Variants in CD8B2 observed in about 807,000 individuals in gnomAD.
CD8B2 encodes the protein T-cell surface glycoprotein CD8 beta-2 chain.
Under a neutral mutation model 23.7 loss-of-function variants are expected in CD8B2, and 11 were observed. The ratio of observed to expected loss-of-function variants is 0.46; its 90% CI spans 0.29 to 0.77. CD8B2 has a LOEUF of 0.77. CD8B2 is among the 30% of genes least tolerant of loss of function. CD8B2 has a pLI of 0.09. For synonymous variants in CD8B2, 90 were observed against 109.3 expected, an observed-to-expected ratio of 0.82 and a Z score of 1.10; for missense variants, 197 against 270.5, an observed-to-expected ratio of 0.73 and a Z score of 1.91.
chr2:106,499,387 C>T (rs987075237), intron 3 of CD8B2, among the ~76,000 whole-genome samples: 35 of 151,992 alleles, frequency 2.3e-4, no homozygotes, highest in African/African-American at 7.7e-4. Flanking sequence ...CAAAAATTAG[C>T]TGGGCATTGT....
chr2:106,487,379 G>C lies in CD8B2; in HGVS notation c.-48G>C. ...CCAGCTCCTCACCCACCCCAGCCGC[G>C]ACTGTCTCCGCCGAGCCCCCGGGGC... On this transcript the variant is annotated 5_prime_UTR_variant, in exon 1 of 6. Coordinates refer to ENST00000643224, the MANE Select transcript of CD8B2 (RefSeq NM_001349727.2). 1 of 1,133,288 alleles carries C rather than the reference G, an allele frequency of 8.8e-7. No homozygotes were observed. Among genetic ancestry groups the C allele is most frequent in the Non-Finnish European group, 1.1e-6 (1 of 900,712 alleles). The allele number at this position is 1,133,288 out of a possible 1,614,324, so 70.2% of individuals were successfully genotyped here.
Position 106,507,586 on chromosome 2 carries a change from T to G in CD8B2, c.*646T>G, listed in dbSNP as rs1002139426. 1 of 966,690 alleles carries G rather than the reference T, an allele frequency of 1.0e-6. No individual in the cohort carries two copies. Among genetic ancestry groups the G allele is most frequent in the African/African-American group, 1.8e-5 (1 of 56,872 alleles). The allele number at this position is 966,690 out of a possible 1,614,324, so 59.9% of individuals were successfully genotyped here. ...GCTCCCATTTCTACTCTCCCATGGC[T>G]TAATGCTTCTTTCATTTTCTGTTTG... On this transcript the variant is annotated 3_prime_UTR_variant, in exon 6 of 6. Coordinates refer to ENST00000643224, the MANE Select transcript of CD8B2 (RefSeq NM_001349727.2).
intron 2 of CD8B2, among the ~76,000 whole-genome samples, chr2:106,493,187 C>A (rs947409541): frequency 6.6e-6 from 1 of 152,150 alleles, no homozygotes; most frequent in African/African-American, 2.4e-5. Flanking sequence ...GGAGCCGAAC[C>A]CCACCTTCTC....
chr2:106,504,462 C>T (rs1679467914), intron 5 of CD8B2, 137 bp downstream of exon 5: 42 of 1,521,678 alleles, frequency 2.8e-5, no homozygotes, highest in South Asian at 2.0e-4. Flanking sequence ...TAGTGCACAC[C>T]TGTAGTCACA....
Position 106,524,634 on chromosome 2 carries a change from A to T in CD8B2, c.621-19358A>T, listed in dbSNP as rs137966747. ...TGGAGCAGTGAGAGCCCAAGTGCAC[A>T]TTATGGGTCTTAAACTAAAGTTGCT... On this transcript the variant is annotated intron_variant, in intron 5 of 5. Coordinates refer to the CD8B2 transcript ENST00000416057. 3.7e-4 allele frequency among the ~76,000 whole-genome samples: 57 copies of T among 152,302 alleles called. No homozygotes were observed. In the East Asian group the frequency reaches 0.011, roughly 28 times the overall value.
At chr2:106,539,058 G>A (rs191933619) in intron 5 of CD8B2, among the ~76,000 whole-genome samples, 19 of 152,204 alleles carry the variant, frequency 1.2e-4, no homozygotes, top group Admixed American at 5.2e-4. Context: ...TGGTCACAGC[G>A]CAAGTGAACA....
At chr2:106,511,842 C>T (rs185124612), downstream of CD8B2, among the ~76,000 whole-genome samples, 4,170 of 152,128 alleles carry the variant, frequency 0.027, 70 homozygotes, top group Non-Finnish European at 0.03. Flanking sequence ...AGAAGGAAAC[C>T]ATATTCCTCA....
At chr2:106,531,647 C>T (rs758089417) in intron 5 of CD8B2, among the ~76,000 whole-genome samples, 43 of 152,114 alleles carry the variant, frequency 2.8e-4, no homozygotes, top group Non-Finnish European at 4.1e-4. Context: ...ATTAGATTGC[C>T]CCAGCTACTT....
chr2:106,502,763 G>A (rs1679436875), intron 4 of CD8B2, among the ~76,000 whole-genome samples, 200 bp downstream of exon 4: 2 of 152,206 alleles, frequency 1.3e-5, no homozygotes, highest in East Asian at 1.9e-4. Context: ...CTGGAGTCAG[G>A]CAAACCTGGG....
At chr2:106,516,074 C>A (rs566045378), downstream of CD8B2, among the ~76,000 whole-genome samples, 1 of 152,058 alleles carries the variant, frequency 6.6e-6, no homozygotes, top group African/African-American at 2.4e-5. Flanking sequence ...AGGTAATCCA[C>A]CCGCCTTGGC....
chr2:106,535,491 C>G (rs182856929), intron 5 of CD8B2: 1 of 152,138 alleles, frequency 6.6e-6, no homozygotes, highest in African/African-American at 2.4e-5. Context: ...GGATGAGGCT[C>G]CTACCAGCTT....
intron 5 of CD8B2, among the ~76,000 whole-genome samples, chr2:106,533,751 G>A (rs746106627): frequency 6.6e-6 from 1 of 152,330 alleles, no homozygotes; most frequent in South Asian, 2.1e-4. Context: ...CTTAGCCCAG[G>A]TAAGTCCTAC....
At chr2:106,530,941 A>T (rs1034335057) in intron 5 of CD8B2, among the ~76,000 whole-genome samples, 4 of 151,944 alleles carry the variant, frequency 2.6e-5, no homozygotes, top group Admixed American at 2.0e-4. Flanking sequence ...GGGAGGCATG[A>T]ATAATCTACC....
At chr2:106,532,988 C>T (rs897334656) in intron 5 of CD8B2, among the ~76,000 whole-genome samples, 3 of 152,134 alleles carry the variant, frequency 2.0e-5, no homozygotes, top group African/African-American at 4.8e-5. Context: ...GACATTGGCA[C>T]CAGAGAATAA....
Position 106,541,223 on chromosome 2 carries a change from C to T in CD8B2, c.621-2769C>T, listed in dbSNP as rs186974703. Among the ~76,000 whole-genome samples, 7 of 152,242 alleles carry T rather than the reference C, an allele frequency of 4.6e-5. 1 individual carries two copies. In the South Asian group the frequency reaches 1.0e-3, roughly 23 times the overall value. Reference sequence around the variant, plus strand: ...CTAGGACCTCCCACTAACTCTAGATCCCTCTCCGTCATTCATGCTCAAAAT... The same window carrying T: ...CTAGGACCTCCCACTAACTCTAGATTCCTCTCCGTCATTCATGCTCAAAAT... On this transcript the variant is annotated intron_variant, in intron 5 of 5. Coordinates refer to the CD8B2 transcript ENST00000416057.
chr2:106,488,499 G>A (rs1412941968), intron 1 of CD8B2, among the ~76,000 whole-genome samples: 1 of 152,112 alleles, frequency 6.6e-6, no homozygotes, highest in Non-Finnish European at 1.5e-5. Flanking sequence ...CACAGCCCAG[G>A]CCTTGCTCTT....
intron 5 of CD8B2, among the ~76,000 whole-genome samples, chr2:106,531,344 G>A (rs1679987187): frequency 6.6e-6 from 1 of 152,196 alleles, no homozygotes. Flanking sequence ...TACACCACTT[G>A]CTTTTCCTTT....
intron 3 of CD8B2, among the ~76,000 whole-genome samples, chr2:106,498,712 A>G (rs565803776): frequency 2.0e-5 from 3 of 152,160 alleles, no homozygotes; most frequent in Non-Finnish European, 4.4e-5. Context: ...TAGGTGATTC[A>G]GCCTCTGTGA....
intron 5 of CD8B2, among the ~76,000 whole-genome samples, chr2:106,506,463 G>C (rs1679508145): frequency 6.6e-6 from 1 of 151,930 alleles, no homozygotes; most frequent in South Asian, 2.1e-4. Flanking sequence ...TGAACAAAAG[G>C]GTTTGTGGCT....
Sources: allele counts gnomAD v4.1 joint callset (sites outside exome capture counted in the v4.1 genomes callset), GRCh38; gene constraint gnomAD v4.1.1; transcripts MANE v1.5; gene names NCBI Gene and HGNC (gene_info 2026-07-23, HGNC 2026-07-21).